SUPT3H: variants seen among roughly 807,000 people sequenced by gnomAD.
SUPT3H encodes the protein SPT3 homolog, SAGA and STAGA complex component, also known as transcription initiation protein SPT3 homolog.
A neutral mutation model predicts 44.3 loss-of-function variants in SUPT3H; 44 were observed. The observed-to-expected ratio is 0.99, with a 90% confidence interval of 0.78 to 1.28. The LOEUF (loss-of-function observed/expected upper bound fraction) is 1.28. SUPT3H is among the 50% of genes most tolerant of loss of function. The probability of loss-of-function intolerance (pLI) is 0.00; values close to 1 mark genes in which losing one functional copy is unlikely to be tolerated. For missense variants in SUPT3H, 380 were observed against 387.1 expected (o/e 0.98, Z 0.15); for synonymous variants, 124 against 125.6 (o/e 0.99, Z 0.09).
Position 44,893,421 on chromosome 6 carries a change from C to A in SUPT3H, c.912+39232G>T, listed in dbSNP as rs530812203. Among the ~76,000 whole-genome samples, 1,456 of 150,882 alleles carry A rather than the reference C, an allele frequency of 9.6e-3. 20 individuals carry two copies. Among genetic ancestry groups the A allele is most frequent in the African/African-American group, 0.033 (1,337 of 41,130 alleles). On this transcript the variant is annotated intron_variant, in intron 10 of 10. Transcript: ENST00000371459. The stretch of plus-strand genomic sequence containing the variant: ...GTCCCCAGAGTGTGATGTTCCCCTT[C>A]CTGTGTCCATGTGTTCTCATTGTTC...
Position 44,829,756 on chromosome 6 carries a change from G to A in SUPT3H, c.*60C>T. The A allele has an allele frequency of 1.3e-6, 2 of 1,568,688 alleles. No individual in the cohort carries two copies. The highest frequency in any genetic ancestry group is 2.3e-5 in the East Asian group (1 of 44,426). On this transcript the variant is annotated 3_prime_UTR_variant, in exon 11 of 11. Transcript: ENST00000371459. ...AATTTGTATTTTATTTTGTTCACAA[G>A]AAATCACCTTAATATAACATTGCCT...
intron 3 of SUPT3H, among the ~76,000 whole-genome samples, chr6:45,077,388 A>T (rs895641256): frequency 6.6e-6 from 1 of 152,114 alleles, no homozygotes; most frequent in Non-Finnish European, 1.5e-5. Context: ...GCACTTTGGC[A>T]GGTTGAAGTG....
intron 10 of SUPT3H, among the ~76,000 whole-genome samples, chr6:44,899,699 ACAAAC>A (rs1764666847): frequency 6.6e-6 from 1 of 152,094 alleles, no homozygotes; most frequent in African/African-American, 2.4e-5. Flanking sequence ...ACAAAACAAA[ACAAAC>A]AAACAAAAAA....
Position 45,105,946 on chromosome 6 carries a change from C to A in SUPT3H, c.162G>T (p.Val54=). 1 of 1,613,532 alleles carries A rather than the reference C, an allele frequency of 6.2e-7. No individual in the cohort carries two copies. The highest frequency in any genetic ancestry group is 1.1e-5 in the South Asian group (1 of 91,050). ...CCAGATTAATTAACTGAGTGTGTACCACATCTTCTACCAAAACTGCTGTTT... is the reference window on the plus strand; with the variant it reads ...CCAGATTAATTAACTGAGTGTGTACAACATCTTCTACCAAAACTGCTGTTT... ...LHETAVLVED[V]VHTQLINLLQ... The change falls in exon 3 of 11, where the codon GTG becomes GTT. Residue 54 remains valine, a synonymous_variant. Coordinates refer to ENST00000371459, the MANE Select transcript of SUPT3H (RefSeq NM_003599.4).
At chr6:44,914,646 A>C (rs1562035269) in intron 10 of SUPT3H, among the ~76,000 whole-genome samples, 1 of 152,216 alleles carries the variant, frequency 6.6e-6, no homozygotes, top group Non-Finnish European at 1.5e-5. Flanking sequence ...AGGCACATTA[A>C]GTTTGAGGGG....
chr6:44,890,055 T>A (rs1300578327), intron 10 of SUPT3H, among the ~76,000 whole-genome samples: 13 of 151,276 alleles, frequency 8.6e-5, no homozygotes, highest in Non-Finnish European at 1.9e-4. Context: ...AAAACCACAA[T>A]GAGATACCAT....
chr6:45,085,106 C>A (rs1796322821), intron 3 of SUPT3H, among the ~76,000 whole-genome samples: 1 of 151,846 alleles, frequency 6.6e-6, no homozygotes, highest in Non-Finnish European at 1.5e-5. Context: ...ATCCCTTAAT[C>A]TGAAATAAAA....
chr6:45,270,071 T>C (rs527522265), intron 2 of SUPT3H, among the ~76,000 whole-genome samples: 1 of 152,264 alleles, frequency 6.6e-6, no homozygotes, highest in East Asian at 1.9e-4. Context: ...TTCAACATAA[T>C]GTTTTTAAGT....
At chr6:44,967,991 T>G (rs1254749824) in intron 6 of SUPT3H, among the ~76,000 whole-genome samples, 2 of 151,942 alleles carry the variant, frequency 1.3e-5, no homozygotes, top group African/African-American at 4.8e-5. Context: ...GAGATCTCTA[T>G]AAAATTGCCC....
At chr6:45,198,233 C>T (rs1816409978) in intron 2 of SUPT3H, among the ~76,000 whole-genome samples, 2 of 151,340 alleles carry the variant, frequency 1.3e-5, no homozygotes, top group South Asian at 4.1e-4. Context: ...AATACATATT[C>T]TAGTGATGCA....
chr6:45,298,231 G>A (rs1436741119), intron 2 of SUPT3H, among the ~76,000 whole-genome samples: 5 of 152,150 alleles, frequency 3.3e-5, no homozygotes, highest in African/African-American at 1.2e-4. Context: ...CACGAACACA[G>A]AAGACAGACT....
chr6:44,961,082 G>A (rs949524448), intron 7 of SUPT3H, among the ~76,000 whole-genome samples: 1 of 151,894 alleles, frequency 6.6e-6, no homozygotes, highest in Non-Finnish European at 1.5e-5. Context: ...CCTTTACCCC[G>A]AGAGCCTTAG....
chr6:45,068,983 A>T (rs528280244), intron 3 of SUPT3H, among the ~76,000 whole-genome samples: 121 of 151,258 alleles, frequency 8.0e-4, no homozygotes, highest in Admixed American at 1.9e-3. Context: ...TTTGCAAAAA[A>T]AAAAAAATAA....
chr6:45,282,594 C>G lies in SUPT3H; in HGVS notation c.101+82607G>C, dbSNP rs1054449144. 5.9e-5 allele frequency among the ~76,000 whole-genome samples: 9 copies of G among 152,122 alleles called. No individual in the cohort carries two copies. In the East Asian group the frequency reaches 1.7e-3, roughly 29 times the overall value. ...GAAATATGGGACTATGTGAAAAGAC[C>G]AAATCTACATCTGATTGGTGTACCT... On this transcript the variant is annotated intron_variant, in intron 2 of 10. Transcript: ENST00000371459.
intron 7 of SUPT3H, among the ~76,000 whole-genome samples, chr6:44,959,390 G>T (rs1775684094): frequency 6.6e-6 from 1 of 151,978 alleles, no homozygotes; most frequent in African/African-American, 2.4e-5. Flanking sequence ...ACACAAGACA[G>T]CATATACAAT....
chr6:45,008,535 T>C lies in SUPT3H; in HGVS notation c.365-4743A>G, dbSNP rs577440859. On this transcript the variant is annotated intron_variant, in intron 5 of 10. Transcript: ENST00000371459. ...GAGACTGGCTAATTAATTTTTTTTT[T>C]CTAGAGATGGGGTCTTGCTTTGTTG... Among the ~76,000 whole-genome samples, 52 of 152,096 alleles carry C rather than the reference T, an allele frequency of 3.4e-4. 1 individual carries two copies. The highest frequency in any genetic ancestry group is 6.2e-4 in the Non-Finnish European group (42 of 67,976).
intron 3 of SUPT3H, among the ~76,000 whole-genome samples, chr6:45,082,653 T>G (rs868023501): frequency 1.3e-5 from 2 of 151,932 alleles, no homozygotes; most frequent in Non-Finnish European, 2.9e-5. Context: ...TATCATATCA[T>G]ACTACCAACA....
intron 11 of SUPT3H, among the ~76,000 whole-genome samples, chr6:44,809,938 G>C (rs1766396642): frequency 6.6e-6 from 1 of 152,210 alleles, no homozygotes; most frequent in Admixed American, 6.5e-5. Flanking sequence ...TCAGGCAAGA[G>C]TTACGAATAG....
chr6:45,033,590 T>C (rs1787268916), intron 3 of SUPT3H, among the ~76,000 whole-genome samples: 1 of 152,136 alleles, frequency 6.6e-6, no homozygotes, highest in Non-Finnish European at 1.5e-5. Flanking sequence ...GAAAAGTTTA[T>C]TCTAAAATAA....
Sources: gnomAD v4.1 joint callset for allele counts (sites outside exome capture counted in the v4.1 genomes callset) on GRCh38, gnomAD v4.1.1 for gene constraint, MANE v1.5 for transcripts, NCBI Gene and HGNC (gene_info 2026-07-23, HGNC 2026-07-21) for gene names.